ZRANB3: variants seen among roughly 807,000 people sequenced by gnomAD.
The protein encoded by ZRANB3 is zinc finger RANBP2-type containing 3.
Under a neutral mutation model 133.8 loss-of-function variants are expected in ZRANB3, and 125 were observed. The observed-to-expected ratio is 0.93, with a 90% CI of 0.81 to 1.08. ZRANB3 has a LOEUF of 1.08. Ranked by LOEUF, ZRANB3 falls within the 50% of genes least tolerant of loss-of-function variation. The pLI is 0.00. For missense variants in ZRANB3, 1,229 were observed against 1,275.5 expected (o/e 0.96, Z 0.56); for synonymous variants, 387 against 432.7 (o/e 0.89, Z 1.31).
intron 2 of ZRANB3, among the ~76,000 whole-genome samples, chr2:135,397,447 CAA>C (rs373434643): frequency 2.8e-4 from 33 of 116,678 alleles, no homozygotes; most frequent in Non-Finnish European, 3.1e-4. Flanking sequence ...GACCCTGACT[CAA>C]AAAAAAAAAA....
intron 1 of ZRANB3, among the ~76,000 whole-genome samples, chr2:135,517,379 T>A (rs1479169455): frequency 6.6e-6 from 1 of 152,116 alleles, no homozygotes; most frequent in Non-Finnish European, 1.5e-5. Context: ...TCAGCCTTTT[T>A]GTGCTGTTTT....
rs1016050534 is a variant in ZRANB3, at chr2:135,443,073, G to A, written c.162-52253C>T. ...TGAGCTTGCAGTGAGCCAAGATCCC[G>A]CCACTGCACTCCAGCCTAGGCTACA... On this transcript the variant is annotated intron_variant, in intron 2 of 20. Transcript: ENST00000264159. Among the ~76,000 whole-genome samples the A allele has an allele frequency of 8.6e-5, 13 of 150,494 alleles. No homozygotes were observed. The East Asian group carries it at 1.2e-3, about 14-fold the overall frequency.
At chr2:135,368,615 A>G (rs1043700123) in intron 3 of ZRANB3, among the ~76,000 whole-genome samples, 3 of 152,090 alleles carry the variant, frequency 2.0e-5, no homozygotes, top group African/African-American at 7.2e-5. Flanking sequence ...TTAATTGTAC[A>G]TTTGAAAATA....
intron 11 of ZRANB3, among the ~76,000 whole-genome samples, chr2:135,268,127 CCAAA>C (rs1351120393): frequency 6.6e-6 from 1 of 151,972 alleles, no homozygotes; most frequent in East Asian, 1.9e-4. Context: ...TTATGGCTGC[CCAAA>C]CAAACTAACC....
At chr2:135,330,710 T>TTA (rs1684094666) in intron 6 of ZRANB3, among the ~76,000 whole-genome samples, 4 of 150,356 alleles carry the variant, frequency 2.7e-5, no homozygotes, top group Admixed American at 6.6e-5. Flanking sequence ...GCAGGCTATT[T>TTA]TTGCCTCAAT....
intron 2 of ZRANB3, among the ~76,000 whole-genome samples, chr2:135,503,917 C>T (rs1693057851): frequency 6.6e-6 from 1 of 151,846 alleles, no homozygotes; most frequent in South Asian, 2.1e-4. Flanking sequence ...TTGCAGTGAG[C>T]CAAGATCGTA....
intron 2 of ZRANB3, among the ~76,000 whole-genome samples, chr2:135,489,517 C>T (rs1692282267): frequency 6.6e-6 from 1 of 151,398 alleles, no homozygotes; most frequent in Non-Finnish European, 1.5e-5. Context: ...CAAATATAAA[C>T]TTAAAGAAGC....
chr2:135,478,328 A>G (rs567502864), intron 2 of ZRANB3, among the ~76,000 whole-genome samples: 2 of 152,144 alleles, frequency 1.3e-5, no homozygotes, highest in South Asian at 2.1e-4. Context: ...AAATTTTCAT[A>G]AAAAGAGCAT....
intron 8 of ZRANB3, among the ~76,000 whole-genome samples, chr2:135,288,677 T>C (rs189799381): frequency 3.5e-4 from 54 of 152,300 alleles, no homozygotes; most frequent in Non-Finnish European, 6.8e-4. Context: ...TTCTAGGTTT[T>C]CTAGTTTGTG....
At position 135,521,402 on chromosome 2, in the gene ZRANB3, C is replaced by T. The variant is rs547183776; in HGVS notation, c.-8+9725G>A. ...TCTCCACTGAAAGTACAAAAATTAG[C>T]CGGGCATGGTGGCAAGCTACTTGGG... On this transcript the variant is annotated intron_variant, in intron 1 of 20. Coordinates refer to ENST00000264159, the MANE Select transcript of ZRANB3 (RefSeq NM_032143.4). 1.1e-4 allele frequency among the ~76,000 whole-genome samples: 16 copies of T among 152,266 alleles called. No homozygotes were observed. The South Asian group carries it at 3.1e-3, about 30-fold the overall frequency.
rs374805613 is a variant in ZRANB3, at chr2:135,504,400, A to G, written c.90T>C (p.Pro30=). The G allele has an allele frequency of 3.7e-6, 6 of 1,613,612 alleles. No individual in the cohort carries two copies. Among genetic ancestry groups the G allele is most frequent in the Non-Finnish European group, 5.1e-6 (6 of 1,179,750 alleles). The change falls in exon 2 of 21, where the codon CCT becomes CCC. Residue 30 remains proline (P), a synonymous_variant. Coordinates refer to ENST00000264159, the MANE Select transcript of ZRANB3 (RefSeq NM_032143.4). ...NESDNLLDFL[P]DRLRAKLLPF... Reference sequence around the variant, plus strand: ...GAAGTAGCTTTGCTCTTAGTCTGTCAGGCAAAAAATCCAGCAGATTATCAG... The same window carrying G: ...GAAGTAGCTTTGCTCTTAGTCTGTCGGGCAAAAAATCCAGCAGATTATCAG...
intron 2 of ZRANB3, among the ~76,000 whole-genome samples, chr2:135,447,832 T>A (rs911137373): frequency 2.0e-5 from 3 of 152,300 alleles, no homozygotes; most frequent in African/African-American, 7.2e-5. Context: ...TTTATACTTA[T>A]AATGAGTTTT....
chr2:135,235,262 C>G (rs1018594117), intron 12 of ZRANB3, among the ~76,000 whole-genome samples: 4 of 152,234 alleles, frequency 2.6e-5, no homozygotes, highest in Admixed American at 6.5e-5. Flanking sequence ...CTGAATAGAC[C>G]AATAACAGGC....
chr2:135,388,885 T>G (rs1377899148), intron 3 of ZRANB3, among the ~76,000 whole-genome samples: 1 of 152,140 alleles, frequency 6.6e-6, no homozygotes, highest in Non-Finnish European at 1.5e-5. Context: ...GAGACCATTC[T>G]GGCTAACACA....
chr2:135,315,260 C>G, intron 7 of ZRANB3, 99 bp downstream of exon 7: 1 of 1,187,202 alleles, frequency 8.4e-7, no homozygotes. Context: ...TTTAAGAAAG[C>G]AAACCTTTCC....
intron 2 of ZRANB3, among the ~76,000 whole-genome samples, chr2:135,392,355 AGGG>A (rs368812483): frequency 1.2e-5 from 1 of 81,974 alleles, no homozygotes; most frequent in Non-Finnish European, 2.6e-5. Flanking sequence ...AAAAAAAAAA[AGGG>A]GGGGGGGGCA....
chr2:135,277,922 CA>C (rs1302120173), intron 8 of ZRANB3, among the ~76,000 whole-genome samples: 4 of 64,546 alleles, frequency 6.2e-5, no homozygotes, highest in Admixed American at 1.5e-4. Context: ...GACTCTGTCT[CA>C]AAAAAAAAAC....
intron 2 of ZRANB3, among the ~76,000 whole-genome samples, chr2:135,483,626 G>A (rs1222230373): frequency 1.3e-5 from 2 of 151,914 alleles, no homozygotes; most frequent in Non-Finnish European, 2.9e-5. Context: ...GTTCTGCTCT[G>A]ATTTTAATAT....
chr2:135,483,062 A>G (rs1199635989), intron 2 of ZRANB3, among the ~76,000 whole-genome samples: 1 of 152,104 alleles, frequency 6.6e-6, no homozygotes, highest in East Asian at 1.9e-4. Flanking sequence ...CATCAAGGAT[A>G]TTGGTCTAAA....
Sources: gnomAD v4.1 joint callset for allele counts (sites outside exome capture counted in the v4.1 genomes callset) on GRCh38, gnomAD v4.1.1 for gene constraint, MANE v1.5 for transcripts, NCBI Gene and HGNC (gene_info 2026-07-23, HGNC 2026-07-21) for gene names.